KRT13: variants seen among roughly 807,000 people sequenced by gnomAD.
KRT13 encodes the protein keratin, type I cytoskeletal 13.
Under a neutral mutation model 40.6 loss-of-function variants are expected in KRT13, and 27 were observed. That is an observed-to-expected ratio of 0.67 (90% CI 0.49 to 0.92). KRT13 has a LOEUF of 0.92. Ranked by LOEUF, KRT13 falls within the 40% of genes least tolerant of loss-of-function variation. KRT13 has a pLI of 0.00. For missense variants in KRT13, 605 were observed against 611.5 expected (o/e 0.99, Z 0.11); for synonymous variants, 266 against 240.3 (o/e 1.11, Z -0.99).
chr17:41,502,050 G>C (rs1334179856), intron 6 of KRT13: 2 of 1,415,602 alleles, frequency 1.4e-6, no homozygotes, highest in African/African-American at 2.9e-5. Flanking sequence ...GCCCACAGGG[G>C]TGGCTTGATT....
At chr17:41,504,261 T>A (rs1454116310) in intron 1 of KRT13, 1 of 173,908 alleles carries the variant, frequency 5.8e-6, no homozygotes, top group East Asian at 1.5e-4. Flanking sequence ...GTTCGTCATG[T>A]CTTGGCAGCC....
chr17:41,501,223 G>T lies in KRT13; in HGVS notation c.*33C>A. ...CTGCCGGCTCTCTCCTCCTCTGGGTGCTGAAGACAGAGGGAGGGGACGCCA... is the reference window on the plus strand; with the variant it reads ...CTGCCGGCTCTCTCCTCCTCTGGGTTCTGAAGACAGAGGGAGGGGACGCCA... On this transcript the variant is annotated 3_prime_UTR_variant, in exon 8 of 8. Transcript: ENST00000246635. The T allele has an allele frequency of 6.9e-7, 1 of 1,445,024 alleles. No individual in the cohort carries two copies. Among genetic ancestry groups the T allele is most frequent in the Non-Finnish European group, 9.5e-7 (1 of 1,051,494 alleles). The allele number at this position is 1,445,024 out of a possible 1,614,324, so 89.5% of individuals were successfully genotyped here. A position where few individuals can be genotyped will look rare whatever the true frequency, so the allele number is the denominator to read the frequency against.
Position 41,503,296 on chromosome 17 carries a change from G to GTTC in KRT13, c.723_725dup (p.Lys241dup). 6.2e-7 allele frequency: 1 copy of GTTC among 1,614,146 alleles called. No individual in the cohort carries two copies. The highest frequency in any genetic ancestry group is 1.3e-5 in the African/African-American group (1 of 75,054). On this transcript the variant is annotated inframe_insertion, in exon 3 of 8. Coordinates refer to ENST00000246635, the MANE Select transcript of KRT13 (RefSeq NM_153490.3). ...TGCAATTCCCGCTCACCTCTTCATGGTTCTTCTTCATGTAGGCTAGCTCTT... is the reference window on the plus strand; with the variant it reads ...TGCAATTCCCGCTCACCTCTTCATGGTTCTTCTTCTTCATGTAGGCTAGCTCTT...
chr17:41,503,261 C>T, intron 3 of KRT13, 26 bp downstream of exon 3: 1 of 1,613,820 alleles, frequency 6.2e-7, no homozygotes, highest in Non-Finnish European at 8.5e-7. Context: ...TTGTTGAGCC[C>T]AGGGCAGCCT....
At chr17:41,501,517 C>T in intron 7 of KRT13, 155 bp from the exon 8 acceptor site, 1 of 1,112,978 alleles carries the variant, frequency 9.0e-7, no homozygotes, top group Non-Finnish European at 1.3e-6. Context: ...CCCAAGACAG[C>T]CAAATAGCTC....
At chr17:41,502,313 T>C in intron 6 of KRT13, 61 bp downstream of exon 6, 1 of 1,612,732 alleles carries the variant, frequency 6.2e-7, no homozygotes, top group Non-Finnish European at 8.5e-7. Context: ...AGGCCCTGCC[T>C]GCTCTGACAC....
chr17:41,501,095 G>A lies in KRT13; in HGVS notation c.*161C>T, dbSNP rs1904830006. On this transcript the variant is annotated 3_prime_UTR_variant, in exon 8 of 8. Transcript: ENST00000246635. ...GGAGAGAGATCCGACCGGAAGAGAA[G>A]AGCACAGAGGGCCCACCATCAGGAG... 1 of 604,626 alleles carries A rather than the reference G, an allele frequency of 1.7e-6. No individual in the cohort carries two copies. The allele number at this position is 604,626 out of a possible 1,614,324, so 37.5% of individuals were successfully genotyped here.
At chr17:41,504,978 C>T in intron 1 of KRT13, 78 bp downstream of exon 1, 2 of 1,548,548 alleles carry the variant, frequency 1.3e-6, no homozygotes, top group South Asian at 1.1e-5. Context: ...CACACCTAGT[C>T]CCCCACAACA....
chr17:41,504,780 C>G (rs1174435378), intron 1 of KRT13, among the ~76,000 whole-genome samples: 1 of 152,116 alleles, frequency 6.6e-6, no homozygotes, highest in East Asian at 1.9e-4. Flanking sequence ...TTATAGAGAT[C>G]GAGTCATGAA....
At chr17:41,503,884 TA>T (rs559349765) in intron 1 of KRT13, among the ~76,000 whole-genome samples, 159 bp from the exon 2 acceptor site, 27 of 151,376 alleles carry the variant, frequency 1.8e-4, no homozygotes, top group Admixed American at 5.3e-4. Flanking sequence ...AAATAAAAAA[TA>T]AAAAAAAACT....
Position 41,501,295 on chromosome 17 carries a change from A to C in KRT13, c.1338T>G (p.Asn446Lys). The stretch of plus-strand genomic sequence containing the variant: ...CATCAGAAGTGCGGCGACCAGAGGC[A>C]TTAGAGGTGGTGGTAACAGAGGCAC... ...TSSASVTTTS[N>K]ASGRRTSDVR... Residue 446 changes from asparagine to lysine, a missense_variant, in exon 8 of 8, where the codon AAT (asparagine) becomes AAG (lysine). Physicochemically the swap from Asn to Lys is moderately conservative, Grantham distance 94. Coordinates refer to ENST00000246635, the MANE Select transcript of KRT13 (RefSeq NM_153490.3). 6.3e-7 allele frequency: 1 copy of C among 1,575,998 alleles called. No homozygotes were observed. The highest frequency in any genetic ancestry group is 8.6e-7 in the Non-Finnish European group (1 of 1,160,714).
chr17:41,502,411 C>T lies in KRT13; in HGVS notation c.1207G>A (p.Ala403Thr), dbSNP rs1486562526. The T allele has an allele frequency of 5.0e-6, 8 of 1,614,192 alleles. 1 individual carries two copies. Among genetic ancestry groups the T allele is most frequent in the Middle Eastern group, 3.3e-4 (2 of 6,060 alleles). The change falls in exon 6 of 8, where the codon GCC becomes ACC. Residue 403 changes from alanine to threonine, a missense_variant. Transcript: ENST00000246635. ...DIKTRLEQEI[A>T]TYRSLLEGQD... ...CCCTCGAGCAGGCTGCGGTAGGTGG[C>T]GATCTCCTGCTCCAGACGTGTCTTG...
chr17:41,501,422 G>A lies in KRT13; in HGVS notation c.1271-60C>T, dbSNP rs117463992. ...AGAAGACCCACCTCAGGACAGGGCA[G>A]GGCCCCCCTGGAGGGCTCACAAACT... On this transcript the variant is annotated intron_variant, in intron 7 of 7. Transcript: ENST00000246635. 2,001 of 1,382,252 alleles carry A rather than the reference G, an allele frequency of 1.4e-3. 29 individuals are homozygous for A. In the East Asian group the frequency reaches 0.028, roughly 19 times the overall value. 85.6% of individuals were successfully genotyped at this position (1,382,252 alleles called of 1,614,324 possible).
In KRT13 at chr17:41,505,396, C is replaced by T; in HGVS notation, c.155G>A (p.Gly52Asp). 6.2e-7 allele frequency: 1 copy of T among 1,613,762 alleles called. No homozygotes were observed. Among genetic ancestry groups the T allele is most frequent in the Non-Finnish European group, 8.5e-7 (1 of 1,179,686 alleles). Residue 52 changes from glycine (G) to aspartate (D), a missense_variant, in exon 1 of 8, where the codon GGT becomes GAT. By Grantham distance (94) the Gly-to-Asp change is moderately conservative. Transcript: ENST00000246635. Reference sequence around the variant, plus strand: ...GCCACTACCAGCCCCTCCACCAAAACCACAGCTCACGCCGCCTCCATAGCC... The same window carrying T: ...GCCACTACCAGCCCCTCCACCAAAATCACAGCTCACGCCGCCTCCATAGCC... Reference protein sequence around the residue: ...AGGYGGGVSCGFGGGAGSGFG... With the variant: ...AGGYGGGVSCDFGGGAGSGFG...
In KRT13 at chr17:41,505,456, C is replaced by G; in HGVS notation, c.95G>C (p.Cys32Ser). The change falls in exon 1 of 8, where the codon TGT becomes TCT. Residue 32 changes from cysteine to serine, a missense_variant. Cys to Ser is a moderately radical substitution (Grantham distance 112, BLOSUM62 -1). Coordinates refer to ENST00000246635, the MANE Select transcript of KRT13 (RefSeq NM_153490.3). Reference sequence around the variant, plus strand: ...TCCCCCGGACACAAACCGAGTTGAACAGGTAGAGACACCACGGCCTCCTCC... The same window carrying G: ...TCCCCCGGACACAAACCGAGTTGAAGAGGTAGAGACACCACGGCCTCCTCC... The part of the protein sequence containing the change: ...QLGGGRGVST[C>S]STRFVSGGSA... 1 of 1,614,086 alleles carries G rather than the reference C, an allele frequency of 6.2e-7. No homozygotes were observed. Among genetic ancestry groups the G allele is most frequent in the Non-Finnish European group, 8.5e-7 (1 of 1,179,936 alleles).
At position 41,502,417 on chromosome 17, in the gene KRT13, C is replaced by T; in HGVS notation, c.1201G>A (p.Glu401Lys). Residue 401 changes from glutamate (E) to lysine (K), a missense_variant, in exon 6 of 8, where the codon GAG (glutamate) becomes AAG (lysine). Physicochemically the swap from Glu to Lys is moderately conservative, Grantham distance 56 (BLOSUM62 1). Coordinates refer to ENST00000246635, the MANE Select transcript of KRT13 (RefSeq NM_153490.3). ...AGCAGGCTGCGGTAGGTGGCGATCTCCTGCTCCAGACGTGTCTTGATGTCC... is the reference window on the plus strand; with the variant it reads ...AGCAGGCTGCGGTAGGTGGCGATCTTCTGCTCCAGACGTGTCTTGATGTCC... Reference protein sequence around the residue: ...LLDIKTRLEQEIATYRSLLEG... With the variant: ...LLDIKTRLEQKIATYRSLLEG... 6.2e-7 allele frequency: 1 copy of T among 1,614,264 alleles called. No individual in the cohort carries two copies. The highest frequency in any genetic ancestry group is 8.5e-7 in the Non-Finnish European group (1 of 1,180,048).
Position 41,502,730 on chromosome 17 carries a change from G to T in KRT13, c.980C>A (p.Thr327Lys), listed in dbSNP as rs775287167. 1.2e-6 allele frequency: 2 copies of T among 1,614,068 alleles called. No homozygotes were observed. The highest frequency in any genetic ancestry group is 2.2e-5 in the East Asian group (1 of 44,898). ...SKTEITELRR[T>K]LQGLEIELQS... is the part of the protein sequence containing the mutation. ...CAGCTCAATCTCCAGGCCTTGGAGC[G>T]TGCGCCTGAGCTCCGTGATCTCTGT... Residue 327 changes from threonine (T) to lysine (K), a missense_variant, in exon 5 of 8, where the codon ACG (threonine) becomes AAG (lysine). Thr to Lys is a moderately conservative substitution (Grantham distance 78). Transcript: ENST00000246635.
At chr17:41,502,887 G>C in intron 4 of KRT13, 50 bp downstream of exon 4, 3 of 1,613,984 alleles carry the variant, frequency 1.9e-6, no homozygotes, top group Non-Finnish European at 2.5e-6. Flanking sequence ...TGTCCGCCCG[G>C]CCCCCCTGGC....
intron 3 of KRT13, 42 bp downstream of exon 3, chr17:41,503,245 T>C (rs756140635): frequency 1.6e-5 from 26 of 1,611,694 alleles, no homozygotes; most frequent in East Asian, 2.2e-5. Flanking sequence ...TCCTTCTCAC[T>C]GGAGGTTGTT....
Sources: allele counts gnomAD v4.1 joint callset (sites outside exome capture counted in the v4.1 genomes callset), GRCh38; gene constraint gnomAD v4.1.1; transcripts MANE v1.5; gene names NCBI Gene and HGNC (gene_info 2026-07-23, HGNC 2026-07-21).